Variants in PICK1 observed in about 807,000 individuals in gnomAD.
The protein encoded by PICK1 is PRKCA-binding protein.
A neutral mutation model predicts 48.9 loss-of-function variants in PICK1; 23 were observed. That is an observed-to-expected ratio of 0.47 (90% confidence interval 0.34 to 0.67). PICK1 has a LOEUF of 0.67. PICK1 is among the 30% of genes least tolerant of loss of function. The probability of loss-of-function intolerance (pLI) is 0.01; values close to 1 mark genes in which losing one functional copy is unlikely to be tolerated. For synonymous variants in PICK1, 217 were observed against 228.2 expected (o/e 0.95, Z 0.44); for missense variants, 423 against 557.1 (o/e 0.76, Z 2.42).
At chr22:38,072,748 G>T (rs2085733375) in intron 9 of PICK1, 138 bp downstream of exon 9, 2 of 1,292,654 alleles carry the variant, frequency 1.5e-6, no homozygotes, top group Admixed American at 3.4e-5. Flanking sequence ...TGGACTGTGG[G>T]TGAGTCACTG....
intron 3 of PICK1, among the ~76,000 whole-genome samples, chr22:38,063,518 A>G (rs537575124): frequency 5.9e-5 from 9 of 152,322 alleles, no homozygotes; most frequent in Admixed American, 5.2e-4. Flanking sequence ...CTAAGAGGAA[A>G]AAAAGAAAAA....
At chr22:38,061,163 G>A (rs1255508646) in intron 3 of PICK1, among the ~76,000 whole-genome samples, 1 of 152,024 alleles carries the variant, frequency 6.6e-6, no homozygotes, top group East Asian at 2.0e-4. Flanking sequence ...CCAACATGGT[G>A]AAACCCTGTC....
chr22:38,074,976 G>A lies in PICK1; in HGVS notation c.1092G>A (p.Leu364=). ...DADVFPIEVD[L]AHTTLAYGLN... is the part of the protein sequence containing the mutation. The stretch of plus-strand genomic sequence containing the variant: ...ACGTCTTCCCCATCGAGGTAGACCT[G>A]GCGCACACCACATTGGCCTATGGCC... The change falls in exon 13 of 13, where the codon CTG becomes CTA. Residue 364 remains leucine, a synonymous_variant. Transcript: ENST00000356976. This position sits in a 1 kb window ranked among gnomAD's most constrained non-coding sequence, Gnocchi z 4.5. 6.2e-7 allele frequency: 1 copy of A among 1,613,774 alleles called. No homozygotes were observed. Among genetic ancestry groups the A allele is most frequent in the Non-Finnish European group, 8.5e-7 (1 of 1,180,040 alleles).
intron 5 of PICK1, among the ~76,000 whole-genome samples, chr22:38,068,740 C>T (rs568891978): frequency 6.6e-6 from 1 of 152,350 alleles, no homozygotes; most frequent in Admixed American, 6.5e-5. Flanking sequence ...CTTCCATTAG[C>T]CTGTGCTGAG....
chr22:38,058,063 A>G, intron 2 of PICK1: 2 of 614,674 alleles, frequency 3.3e-6, no homozygotes, highest in Non-Finnish European at 5.9e-6. Context: ...TAAGGGCACT[A>G]TTAGCATGAC....
chr22:38,057,804 G>T lies in PICK1; in HGVS notation c.-6G>T. On this transcript the variant is annotated 5_prime_UTR_variant, in exon 2 of 13. Transcript: ENST00000356976. ...AGTTAGCCAGCCCACTCCAACTCTC[G>T]GAACCATGTTTGCAGACTTGGATTA... The T allele has an allele frequency of 1.2e-6, 2 of 1,613,792 alleles. No homozygotes were observed. Among genetic ancestry groups the T allele is most frequent in the East Asian group, 2.2e-5 (1 of 44,888 alleles).
Position 38,074,551 on chromosome 22 carries a change from A to G in PICK1, c.979+100A>G. ...GGGCCAGGCCACGGCCCAGATGTAA[A>G]GCCCCTCCAGGAGCCCAGCCATCTG... On this transcript the variant is annotated intron_variant, in intron 12 of 12. Coordinates refer to ENST00000356976, the MANE Select transcript of PICK1 (RefSeq NM_012407.4). The surrounding 1 kb of genome is among the most constrained non-coding windows in gnomAD (Gnocchi z 4.5). 1 of 1,493,368 alleles carries G rather than the reference A, an allele frequency of 6.7e-7. No individual in the cohort carries two copies. The highest frequency in any genetic ancestry group is 9.2e-7 in the Non-Finnish European group (1 of 1,091,748). The allele number at this position is 1,493,368 out of a possible 1,614,324, so 92.5% of individuals were successfully genotyped here.
chr22:38,059,173 GC>G, intron 2 of PICK1, 60 bp from the exon 3 acceptor site: 1 of 1,268,506 alleles, frequency 7.9e-7, no homozygotes, highest in South Asian at 1.3e-5. Context: ...GTTTTAGAGG[GC>G]CCACCCGCTC....
At chr22:38,063,161 CT>C (rs774428983) in intron 3 of PICK1, among the ~76,000 whole-genome samples, 4,446 of 145,670 alleles carry the variant, frequency 0.031, 79 homozygotes, top group Middle Eastern at 0.043. Context: ...ACCATCTTAA[CT>C]TTTTTTTTTT....
chr22:38,067,906 AC>A (rs1466562075), intron 5 of PICK1, 136 bp downstream of exon 5: 5 of 769,760 alleles, frequency 6.5e-6, no homozygotes. Context: ...GTGGGCTCTG[AC>A]CTCTGACCAA....
intron 8 of PICK1, 75 bp from the exon 9 acceptor site, chr22:38,072,402 C>T (rs770364759): frequency 3.5e-4 from 555 of 1,569,862 alleles, no homozygotes; most frequent in Non-Finnish European, 4.3e-4. Flanking sequence ...CCCTGCCCTG[C>T]TTCTCCCCAA....
At chr22:38,069,171 T>C (rs2145874864) in intron 6 of PICK1, 49 bp downstream of exon 6, 3 of 1,352,754 alleles carry the variant, frequency 2.2e-6, no homozygotes, top group East Asian at 4.9e-5. Flanking sequence ...AAGCCCAGGC[T>C]GAGAAGAGTG....
At chr22:38,071,155 C>T (rs964036241) in intron 7 of PICK1, among the ~76,000 whole-genome samples, 4 of 152,118 alleles carry the variant, frequency 2.6e-5, no homozygotes, top group East Asian at 1.9e-4. Context: ...GAGACCAGCC[C>T]GGCCAACATG....
Position 38,071,665 on chromosome 22 carries a change from C to T in PICK1, c.494-17C>T, listed in dbSNP as rs1317408342. On this transcript the variant is annotated splice_polypyrimidine_tract_variant and intron_variant, in intron 7 of 12. Coordinates refer to ENST00000356976, the MANE Select transcript of PICK1 (RefSeq NM_012407.4). Reference sequence around the variant, plus strand: ...CGCCATGCGTCCCCATTCCGCATCACTCGGTCTCTCCCACAGGGATGACGG... The same window carrying T: ...CGCCATGCGTCCCCATTCCGCATCATTCGGTCTCTCCCACAGGGATGACGG... 7.4e-6 allele frequency: 12 copies of T among 1,612,268 alleles called. No individual in the cohort carries two copies. Among genetic ancestry groups the T allele is most frequent in the Non-Finnish European group, 1.0e-5 (12 of 1,178,988 alleles).
intron 6 of PICK1, 26 bp downstream of exon 6, chr22:38,069,148 G>GC: frequency 6.4e-7 from 1 of 1,552,592 alleles, no homozygotes; most frequent in Non-Finnish European, 8.8e-7. Flanking sequence ...CCCAGCTGGG[G>GC]CCCCGGGGAC....
At position 38,073,785 on chromosome 22, in the gene PICK1, A is replaced by C. The variant is rs1373714380; in HGVS notation, c.796A>C (p.Lys266Gln). The change falls in exon 11 of 13, where the codon AAG becomes CAG. Residue 266 changes from lysine to glutamine, a missense_variant. This residue lies in a region of PICK1 where 279 missense variants were observed against 417.8 expected (regional missense o/e 0.67). Transcript: ENST00000356976. This position sits in a 1 kb window ranked among gnomAD's most constrained non-coding sequence, Gnocchi z 5.7. ...CTGTCCCACACAGTCGTACTGCCTG[A>C]AGGTGAAGGAGATGGATGACGAGGA... Reference protein sequence around the residue: ...VKFEYLSYCLKVKEMDDEEYS... With the variant: ...VKFEYLSYCLQVKEMDDEEYS... The C allele has an allele frequency of 9.9e-6, 16 of 1,613,624 alleles. No individual in the cohort carries two copies. The highest frequency in any genetic ancestry group is 1.3e-5 in the Non-Finnish European group (15 of 1,179,960).
intron 6 of PICK1, 77 bp from the exon 7 acceptor site, chr22:38,070,761 C>T (rs1323387368): frequency 2.3e-6 from 3 of 1,310,106 alleles, no homozygotes; most frequent in Admixed American, 1.7e-5. Flanking sequence ...GGTTGCCTCT[C>T]CCCTCCCCAG....
At chr22:38,061,343 A>AAAT (rs6147619) in intron 3 of PICK1, among the ~76,000 whole-genome samples, 40 of 148,864 alleles carry the variant, frequency 2.7e-4, no homozygotes, top group African/African-American at 9.5e-4. Context: ...TCCGTCTCAA[A>AAAT]AATAATAATA....
At position 38,074,599 on chromosome 22, in the gene PICK1, G is replaced by A; in HGVS notation, c.979+148G>A. ...CTGCCCAGAGCCTGGCCTGGGTGGA[G>A]CTGGCCTGTGCGCGTGGGCTCCGTG... On this transcript the variant is annotated intron_variant, in intron 12 of 12. Transcript: ENST00000356976. The surrounding 1 kb of genome is among the most constrained non-coding windows in gnomAD (Gnocchi z 4.5). 1 of 1,185,834 alleles carries A rather than the reference G, an allele frequency of 8.4e-7. No homozygotes were observed. Among genetic ancestry groups the A allele is most frequent in the Non-Finnish European group, 1.2e-6 (1 of 819,614 alleles). 73.5% of individuals were successfully genotyped at this position (1,185,834 alleles called of 1,614,324 possible). A position where few individuals can be genotyped will look rare whatever the true frequency, so the allele number is the denominator to read the frequency against.
Sources: allele counts gnomAD v4.1 joint callset (sites outside exome capture counted in the v4.1 genomes callset), GRCh38; gene constraint gnomAD v4.1.1; regional missense constraint gnomAD v4.1.1; non-coding constraint Gnocchi (gnomAD v3.1); transcripts MANE v1.5; gene names NCBI Gene and HGNC (gene_info 2026-07-23, HGNC 2026-07-21).